Variants in FOXP1 observed in about 807,000 individuals in gnomAD.
The protein encoded by FOXP1 is forkhead box protein P1.
In FOXP1, 15 loss-of-function variants were observed where a neutral mutation model predicts 98.2. The ratio of observed to expected loss-of-function variants is 0.15; its 90% CI spans 0.10 to 0.24. The LOEUF is 0.24. Among genes scored for constraint, FOXP1 ranks in the 10% least tolerant of loss-of-function variants. FOXP1 has a pLI of 1.00. For missense variants in FOXP1, 633 were observed against 848.5 expected (o/e 0.75, Z 3.15); for synonymous variants, 371 against 314.5 (o/e 1.18, Z -1.90).
intron 3 of FOXP1, among the ~76,000 whole-genome samples, chr3:71,402,912 GTA>G (rs1170206441): frequency 6.6e-6 from 1 of 152,164 alleles, no homozygotes; most frequent in Non-Finnish European, 1.5e-5. Context: ...CCTCTAACTG[GTA>G]TATGTCTCAG....
At chr3:71,385,653 T>C (rs558646219) in intron 3 of FOXP1, among the ~76,000 whole-genome samples, 2 of 152,336 alleles carry the variant, frequency 1.3e-5, no homozygotes, top group Admixed American at 1.3e-4. Context: ...GGAATACATA[T>C]ATAAATATGT....
intron 3 of FOXP1, among the ~76,000 whole-genome samples, chr3:71,387,768 C>T (rs1032423784): frequency 3.3e-5 from 5 of 152,182 alleles, no homozygotes; most frequent in African/African-American, 1.2e-4. Flanking sequence ...TGTGTTCATG[C>T]GGCATGACAC....
intron 11 of FOXP1, among the ~76,000 whole-genome samples, chr3:71,025,044 G>A (rs1041452302): frequency 1.3e-5 from 2 of 152,126 alleles, no homozygotes; most frequent in Non-Finnish European, 1.5e-5. Context: ...AAGTTTTTAT[G>A]AGTACATCAG....
chr3:71,582,895 G>T, intron 1 of FOXP1: 1 of 795,184 alleles, frequency 1.3e-6, no homozygotes, highest in Non-Finnish European at 1.5e-6. Context: ...CCCCAGTGCG[G>T]GGCCCAGGGC....
intron 3 of FOXP1, among the ~76,000 whole-genome samples, chr3:71,388,651 G>A (rs913660310): frequency 1.3e-5 from 2 of 152,088 alleles, no homozygotes; most frequent in South Asian, 4.1e-4. Context: ...GCTTTCAAGG[G>A]TGCTCAAGGG....
At chr3:71,579,899 G>C (rs184994589) in intron 2 of FOXP1, among the ~76,000 whole-genome samples, 1 of 151,800 alleles carries the variant, frequency 6.6e-6, no homozygotes, top group Non-Finnish European at 1.5e-5. Context: ...CTTGTTTCGC[G>C]ACTCGGCATC....
At position 71,484,663 on chromosome 3, in the gene FOXP1, C is replaced by T. The variant is rs535632567; in HGVS notation, c.-168+8763G>A. On this transcript the variant is annotated intron_variant, in intron 3 of 20. Coordinates refer to ENST00000649528, the MANE Select transcript of FOXP1 (RefSeq NM_001349338.3). ...AGGAGTTGTGACATGGTCGGGGTTACGGTATTATTGAGTCCTGGGGCCAGG... is the reference window on the plus strand; with the variant it reads ...AGGAGTTGTGACATGGTCGGGGTTATGGTATTATTGAGTCCTGGGGCCAGG... Among the ~76,000 whole-genome samples the T allele has an allele frequency of 7.9e-5, 12 of 152,162 alleles. No homozygotes were observed. The South Asian group carries it at 2.3e-3, about 29-fold the overall frequency.
chr3:71,106,408 TC>T (rs1258884705), intron 7 of FOXP1, among the ~76,000 whole-genome samples: 1 of 152,200 alleles, frequency 6.6e-6, no homozygotes, highest in Non-Finnish European at 1.5e-5. Context: ...TGATCTCGGC[TC>T]ACTGCAACCT....
Position 70,955,382 on chromosome 3 carries a change from A to AT in FOXP1, c.*3864dup. The AT allele has an allele frequency of 4.3e-6, 1 of 232,930 alleles. No homozygotes were observed. Among genetic ancestry groups the AT allele is most frequent in the Non-Finnish European group, 8.5e-6 (1 of 117,864 alleles). The allele number at this position is 232,930 out of a possible 1,614,324, so 14.4% of individuals were successfully genotyped here. ...TTCACGTATGTACATAAGCCTTGAT[A>AT]TTCCATTTTGTGGCTGGTCCAAGGG... On this transcript the variant is annotated 3_prime_UTR_variant, in exon 21 of 21. Coordinates refer to ENST00000649528, the MANE Select transcript of FOXP1 (RefSeq NM_001349338.3).
At chr3:71,041,869 A>G (rs1279229202) in intron 10 of FOXP1, among the ~76,000 whole-genome samples, 1 of 152,176 alleles carries the variant, frequency 6.6e-6, no homozygotes, top group Non-Finnish European at 1.5e-5. Context: ...TTAGTTTTAG[A>G]CACAAAGAAG....
At chr3:71,214,732 C>G (rs1184241886) in intron 5 of FOXP1, among the ~76,000 whole-genome samples, 1 of 152,154 alleles carries the variant, frequency 6.6e-6, no homozygotes, top group Non-Finnish European at 1.5e-5. Context: ...TGATCACGTT[C>G]TCCCCCAAAA....
At chr3:71,536,485 T>C (rs934641696) in intron 2 of FOXP1, among the ~76,000 whole-genome samples, 4 of 152,032 alleles carry the variant, frequency 2.6e-5, no homozygotes, top group African/African-American at 7.3e-5. Context: ...GAATGGAGAC[T>C]GTACTAAAGT....
chr3:71,455,944 T>C (rs1560510848), intron 3 of FOXP1, among the ~76,000 whole-genome samples: 1 of 152,152 alleles, frequency 6.6e-6, no homozygotes, highest in East Asian at 1.9e-4. Context: ...TTTTGTGCAA[T>C]TAAGTTATTA....
At chr3:71,174,525 T>C (rs2108237077) in intron 6 of FOXP1, among the ~76,000 whole-genome samples, 1 of 152,282 alleles carries the variant, frequency 6.6e-6, no homozygotes, top group South Asian at 2.1e-4. Context: ...ATAGTGTCAG[T>C]ACCATAGAAA....
At chr3:71,043,520 G>C (rs1277632233) in intron 10 of FOXP1, among the ~76,000 whole-genome samples, 1 of 152,130 alleles carries the variant, frequency 6.6e-6, no homozygotes, top group Non-Finnish European at 1.5e-5. Flanking sequence ...TGTGAACATG[G>C]GTGACCCTCA....
At chr3:71,116,031 C>T (rs1363497681) in intron 6 of FOXP1, among the ~76,000 whole-genome samples, 68 of 152,194 alleles carry the variant, frequency 4.5e-4, no homozygotes, top group Non-Finnish European at 1.3e-4. Context: ...CCACCGTGTC[C>T]GGCCATCACA....
intron 3 of FOXP1, among the ~76,000 whole-genome samples, chr3:71,438,346 T>G (rs1186852949): frequency 6.6e-6 from 1 of 152,212 alleles, no homozygotes; most frequent in East Asian, 1.9e-4. Flanking sequence ...GTTTTTGGAT[T>G]GCTTTCAAAA....
chr3:71,154,538 T>C (rs1382845114), intron 6 of FOXP1, among the ~76,000 whole-genome samples: 2 of 152,194 alleles, frequency 1.3e-5, no homozygotes, highest in Non-Finnish European at 2.9e-5. Context: ...TTCCTGTTAG[T>C]ATTCATTCAC....
At chr3:71,556,221 T>C (rs1483159592) in intron 2 of FOXP1, among the ~76,000 whole-genome samples, 1 of 152,138 alleles carries the variant, frequency 6.6e-6, no homozygotes, top group Non-Finnish European at 1.5e-5. Context: ...CCAAAGGGTG[T>C]GAAAAGGACA....
Sources: allele counts gnomAD v4.1 joint callset (sites outside exome capture counted in the v4.1 genomes callset), GRCh38; gene constraint gnomAD v4.1.1; transcripts MANE v1.5; gene names NCBI Gene and HGNC (gene_info 2026-07-23, HGNC 2026-07-21).